Variants in LMNTD1 observed in about 807,000 individuals in gnomAD.
LMNTD1 encodes the protein lamin tail domain-containing protein 1.
Under a neutral mutation model 50.9 loss-of-function variants are expected in LMNTD1, and 35 were observed. The ratio of observed to expected loss-of-function variants is 0.69; its 90% confidence interval spans 0.53 to 0.91. The LOEUF is 0.91. Ranked by LOEUF, LMNTD1 falls within the 40% of genes least tolerant of loss-of-function variation. The probability of loss-of-function intolerance (pLI) is 0.00; values close to 1 mark genes in which losing one functional copy is unlikely to be tolerated. For missense variants in LMNTD1, 470 were observed against 475.5 expected (o/e 0.99, Z 0.11); for synonymous variants, 153 against 161.9 (o/e 0.94, Z 0.42).
rs377232513 is a variant in LMNTD1 at position 25,605,564 on chromosome 12, C to T, written c.58+42930G>A. The stretch of plus-strand genomic sequence containing the variant: ...CCAGTTTCAGCTTTCTACATATGGC[C>T]AGCCAGTTTTCCCAGCACCATTTAT... On this transcript the variant is annotated intron_variant, in intron 1 of 7. Coordinates refer to the LMNTD1 transcript ENST00000445693. Among the ~76,000 whole-genome samples the T allele has an allele frequency of 5.3e-5, 8 of 152,098 alleles. No homozygotes were observed. The East Asian group carries it at 7.7e-4, about 15-fold the overall frequency.
chr12:25,537,457 G>A (rs1486186541), intron 4 of LMNTD1, among the ~76,000 whole-genome samples: 2 of 152,016 alleles, frequency 1.3e-5, no homozygotes, highest in African/African-American at 4.8e-5. Flanking sequence ...CCTCCAGCAG[G>A]GGCACACTGA....
intron 1 of LMNTD1, chr12:25,582,351 T>C (rs553600641): frequency 1.9e-4 from 29 of 152,328 alleles, no homozygotes; most frequent in African/African-American, 7.0e-4. Context: ...TATGATGTAA[T>C]AATTAAATTA....
At chr12:25,500,563 G>A (rs1939327283) in intron 9 of LMNTD1, among the ~76,000 whole-genome samples, 1 of 152,162 alleles carries the variant, frequency 6.6e-6, no homozygotes, top group Non-Finnish European at 1.5e-5. Context: ...TGCAATGTTG[G>A]TGCTTTCTAT....
chr12:25,559,413 T>A (rs1190687405), intron 1 of LMNTD1, among the ~76,000 whole-genome samples: 2 of 152,206 alleles, frequency 1.3e-5, no homozygotes, highest in Non-Finnish European at 2.9e-5. Context: ...CCATGGTGTA[T>A]ATGTGACACA....
At chr12:25,557,199 C>T (rs527778856), upstream of LMNTD1, 10 of 152,334 alleles carry the variant, frequency 6.6e-5, no homozygotes, top group East Asian at 1.9e-3. Context: ...CACAGATCCA[C>T]GTGTAATAAC....
intron 1 of LMNTD1, among the ~76,000 whole-genome samples, chr12:25,644,414 G>T (rs1447813345): frequency 6.6e-6 from 1 of 151,884 alleles, no homozygotes; most frequent in African/African-American, 2.4e-5. Context: ...AAGCCTAGGA[G>T]GTTGAGGCTG....
intron 1 of LMNTD1, among the ~76,000 whole-genome samples, chr12:25,631,414 C>T (rs11531049): frequency 0.48 from 72,197 of 151,320 alleles, 19,585 homozygotes; most frequent in Non-Finnish European, 0.62. Flanking sequence ...TTGCCACCTC[C>T]ACCAGAACAA....
At chr12:25,597,760 C>A (rs779958757) in intron 1 of LMNTD1, among the ~76,000 whole-genome samples, 5 of 152,134 alleles carry the variant, frequency 3.3e-5, no homozygotes, top group Non-Finnish European at 7.4e-5. Flanking sequence ...CAAGACAAAT[C>A]TTAAAACTTT....
At chr12:25,590,774 G>T (rs1945674032) in intron 1 of LMNTD1, among the ~76,000 whole-genome samples, 1 of 152,176 alleles carries the variant, frequency 6.6e-6, no homozygotes, top group African/African-American at 2.4e-5. Context: ...AGTAAGAGTT[G>T]TGAGGCCCCC....
At chr12:25,556,240 T>G (rs1252389481), upstream of LMNTD1, among the ~76,000 whole-genome samples, 1 of 152,148 alleles carries the variant, frequency 6.6e-6, no homozygotes, top group Non-Finnish European at 1.5e-5. Context: ...CCCAAAGTGT[T>G]GGGATTACAG....
intron 4 of LMNTD1, among the ~76,000 whole-genome samples, chr12:25,544,074 C>T (rs1457500886): frequency 6.6e-6 from 1 of 151,876 alleles, no homozygotes; most frequent in African/African-American, 2.4e-5. Context: ...ATGTTCTGCA[C>T]ATGTCAGGCC....
At chr12:25,645,766 T>C (rs1272322039) in intron 1 of LMNTD1, among the ~76,000 whole-genome samples, 2 of 152,216 alleles carry the variant, frequency 1.3e-5, no homozygotes, top group Non-Finnish European at 2.9e-5. Context: ...TTTGTCCTTT[T>C]AAACTGGGAT....
At chr12:25,557,120 A>G (rs1944074980), upstream of LMNTD1, 1 of 152,246 alleles carries the variant, frequency 6.6e-6, no homozygotes, top group South Asian at 2.1e-4. Flanking sequence ...CCACATAAAA[A>G]TAGTATAAAT....
At chr12:25,530,657 T>C (rs1942159533) in intron 4 of LMNTD1, among the ~76,000 whole-genome samples, 1 of 152,220 alleles carries the variant, frequency 6.6e-6, no homozygotes, top group South Asian at 2.1e-4. Flanking sequence ...TTGTTTTAGA[T>C]GAAGTCTTGA....
chr12:25,519,069 G>A (rs2136030934), intron 7 of LMNTD1, 102 bp from the exon 8 acceptor site: 2 of 1,092,116 alleles, frequency 1.8e-6, no homozygotes, highest in Non-Finnish European at 2.6e-6. Context: ...AAAACCAAGA[G>A]AATATGACTT....
At chr12:25,506,279 A>G (rs1390054950) in intron 8 of LMNTD1, among the ~76,000 whole-genome samples, 2 of 152,250 alleles carry the variant, frequency 1.3e-5, no homozygotes, top group Non-Finnish European at 2.9e-5. Flanking sequence ...TCAGAAACAA[A>G]GGAGCATCAT....
chr12:25,497,635 T>C (rs1284878622), intron 9 of LMNTD1: 1 of 152,068 alleles, frequency 6.6e-6, no homozygotes, highest in East Asian at 1.9e-4. Context: ...TCGTTGCTAC[T>C]AAAAATACAA....
At chr12:25,542,660 A>G (rs567394347) in intron 4 of LMNTD1, among the ~76,000 whole-genome samples, 2 of 151,938 alleles carry the variant, frequency 1.3e-5, no homozygotes, top group South Asian at 4.2e-4. Flanking sequence ...AGCATGGCAT[A>G]TGTATACATA....
At chr12:25,576,621 A>T (rs188761182) in intron 1 of LMNTD1, among the ~76,000 whole-genome samples, 6 of 151,982 alleles carry the variant, frequency 3.9e-5, no homozygotes, top group Admixed American at 1.3e-4. Context: ...GATTGTAAAA[A>T]TTTTCTCCCA....
Sources: allele counts gnomAD v4.1 joint callset (sites outside exome capture counted in the v4.1 genomes callset), GRCh38; gene constraint gnomAD v4.1.1; transcripts MANE v1.5; gene names NCBI Gene and HGNC (gene_info 2026-07-23, HGNC 2026-07-21).